NRG1: variants seen among roughly 807,000 people sequenced by gnomAD.
NRG1 encodes the protein pro-neuregulin-1, membrane-bound isoform.
In NRG1, 18 loss-of-function variants were observed where a neutral mutation model predicts 63.8. The ratio of observed to expected loss-of-function variants is 0.28; its 90% CI spans 0.19 to 0.42. The LOEUF is 0.42. Among genes scored for constraint, NRG1 ranks in the 10% least tolerant of loss-of-function variants. The pLI is 1.00. For synonymous variants in NRG1, 302 were observed against 301.3 expected (o/e 1.00, Z -0.02); for missense variants, 762 against 814.7 (o/e 0.94, Z 0.79).
intron 1 of NRG1, among the ~76,000 whole-genome samples, chr8:32,151,683 A>G (rs1837516082): frequency 6.6e-6 from 1 of 152,210 alleles, no homozygotes; most frequent in African/African-American, 2.4e-5. Context: ...CTGGAAGCAG[A>G]AATCTGAGCA....
intron 1 of NRG1, among the ~76,000 whole-genome samples, chr8:32,471,010 A>C (rs199618321): frequency 6.6e-6 from 1 of 152,022 alleles, no homozygotes; most frequent in African/African-American, 2.4e-5. Flanking sequence ...TCTATGTTGC[A>C]TTTCTGGTCT....
At chr8:32,457,731 T>C (rs1016839889) in intron 1 of NRG1, among the ~76,000 whole-genome samples, 13 of 152,280 alleles carry the variant, frequency 8.5e-5, no homozygotes, top group Admixed American at 6.5e-5. Flanking sequence ...AGAGGACTTT[T>C]TTGGGGAAAG....
chr8:32,421,305 T>C (rs1201589115), intron 1 of NRG1, among the ~76,000 whole-genome samples: 2 of 152,016 alleles, frequency 1.3e-5, no homozygotes, highest in East Asian at 1.9e-4. Flanking sequence ...GGGACCAATA[T>C]GAGATGTACG....
At chr8:31,873,513 C>A (rs906345267) in intron 1 of NRG1, among the ~76,000 whole-genome samples, 2 of 152,112 alleles carry the variant, frequency 1.3e-5, no homozygotes, top group African/African-American at 4.8e-5. Context: ...GAGCTGAGAT[C>A]AGACCACTGC....
chr8:31,873,459 T>C (rs1207117108), intron 1 of NRG1, among the ~76,000 whole-genome samples: 1 of 152,118 alleles, frequency 6.6e-6, no homozygotes, highest in African/African-American at 2.4e-5. Context: ...CTTGTGAGGC[T>C]GAGGCAGGAG....
intron 1 of NRG1, among the ~76,000 whole-genome samples, chr8:32,484,796 A>C (rs1190739601): frequency 6.6e-6 from 1 of 152,194 alleles, no homozygotes; most frequent in African/African-American, 2.4e-5. Flanking sequence ...TTTATGTTTT[A>C]ATGGAAACAT....
intron 1 of NRG1, among the ~76,000 whole-genome samples, chr8:31,997,970 A>G (rs1391234625): frequency 2.0e-5 from 3 of 152,062 alleles, no homozygotes; most frequent in Non-Finnish European, 4.4e-5. Context: ...GTCTATCTTG[A>G]GAAATGCATG....
chr8:32,186,601 G>A (rs1841998434), intron 1 of NRG1, among the ~76,000 whole-genome samples: 1 of 152,196 alleles, frequency 6.6e-6, no homozygotes, highest in African/African-American at 2.4e-5. Flanking sequence ...GAGATGTGGA[G>A]ATGCAGATTC....
chr8:31,683,719 A>G (rs1345552025), intron 1 of NRG1, among the ~76,000 whole-genome samples: 1 of 152,138 alleles, frequency 6.6e-6, no homozygotes, highest in Non-Finnish European at 1.5e-5. Context: ...GCTTCAGTGT[A>G]GGTTCATTTA....
At chr8:31,971,208 G>A (rs1586168288) in intron 1 of NRG1, among the ~76,000 whole-genome samples, 2 of 151,842 alleles carry the variant, frequency 1.3e-5, no homozygotes, top group Non-Finnish European at 2.9e-5. Context: ...TGATCTGTAT[G>A]CATTTTTTCC....
rs550108586 is a variant in NRG1 at position 32,310,983 on chromosome 8, A to G, written c.38-284845A>G. Reference sequence around the variant, plus strand: ...TTAGCACAGGTGTCCTCCTCTCTTCATGGTCTTCCTAAATACCTCTTGGGT... The same window carrying G: ...TTAGCACAGGTGTCCTCCTCTCTTCGTGGTCTTCCTAAATACCTCTTGGGT... On this transcript the variant is annotated intron_variant, in intron 1 of 10. Coordinates refer to the NRG1 transcript ENST00000519301. Among the ~76,000 whole-genome samples the G allele has an allele frequency of 1.2e-4, 19 of 152,170 alleles. 1 individual carries two copies. The highest frequency in any genetic ancestry group is 9.2e-4 in the Admixed American group (14 of 15,272).
intron 1 of NRG1, among the ~76,000 whole-genome samples, chr8:32,024,975 C>G (rs1817018616): frequency 6.6e-6 from 1 of 152,076 alleles, no homozygotes; most frequent in African/African-American, 2.4e-5. Flanking sequence ...TTAATACATA[C>G]AAATAAAATT....
intron 5 of NRG1, among the ~76,000 whole-genome samples, chr8:32,683,886 TGA>T (rs1809357424): frequency 1.4e-4 from 18 of 132,664 alleles, no homozygotes; most frequent in Non-Finnish European, 1.4e-4. Flanking sequence ...ATTTGCTTCT[TGA>T]AAAAAAAAAA....
intron 1 of NRG1, among the ~76,000 whole-genome samples, chr8:31,739,529 C>G (rs956216887): frequency 2.0e-5 from 3 of 152,034 alleles, no homozygotes; most frequent in Non-Finnish European, 4.4e-5. Flanking sequence ...GCTTTACCGA[C>G]TTCTCCAGGT....
At chr8:32,000,997 G>A (rs891123845) in intron 1 of NRG1, among the ~76,000 whole-genome samples, 3 of 152,026 alleles carry the variant, frequency 2.0e-5, no homozygotes, top group South Asian at 2.1e-4. Context: ...GAAAATAAAC[G>A]TTGATTTTAA....
intron 1 of NRG1, among the ~76,000 whole-genome samples, chr8:31,752,579 A>T (rs73671102): frequency 4.6e-5 from 7 of 152,014 alleles, no homozygotes; most frequent in Non-Finnish European, 1.0e-4. Flanking sequence ...AGGAAGAAGT[A>T]ATCAAATTTG....
At chr8:31,895,771 G>A (rs1362922179) in intron 1 of NRG1, among the ~76,000 whole-genome samples, 1 of 152,014 alleles carries the variant, frequency 6.6e-6, no homozygotes, top group East Asian at 1.9e-4. Context: ...TTTCAATTTT[G>A]GTGGGTTCTG....
chr8:32,743,188 G>A, intron 7 of NRG1: 3 of 986,616 alleles, frequency 3.0e-6, no homozygotes, highest in Non-Finnish European at 3.6e-6. Flanking sequence ...TTTTGATTCA[G>A]AATGTGTTAT....
intron 1 of NRG1, among the ~76,000 whole-genome samples, chr8:32,255,280 A>G (rs1396753129): frequency 2.0e-5 from 3 of 152,134 alleles, no homozygotes; most frequent in African/African-American, 4.8e-5. Flanking sequence ...CAGTTTCTTC[A>G]TAGTGTCAAT....
Sources: gnomAD v4.1 joint callset for allele counts (sites outside exome capture counted in the v4.1 genomes callset) on GRCh38, gnomAD v4.1.1 for gene constraint, MANE v1.5 for transcripts, NCBI Gene and HGNC (gene_info 2026-07-23, HGNC 2026-07-21) for gene names.